Variants in UBE2H observed in about 807,000 individuals in gnomAD.
The protein encoded by UBE2H is ubiquitin-conjugating enzyme E2 H.
In UBE2H, 3 loss-of-function variants were observed where a neutral mutation model predicts 29.0. The observed-to-expected ratio is 0.10, with a 90% CI of 0.05 to 0.27. The LOEUF is 0.27. UBE2H is among the 10% of genes least tolerant of loss of function. UBE2H has a pLI of 1.00. For synonymous variants in UBE2H, 69 were observed against 82.9 expected (o/e 0.83, Z 0.91); for missense variants, 68 against 228.2 (o/e 0.30, Z 4.52).
At chr7:129,934,583 A>G (rs1482607089) in intron 1 of UBE2H, among the ~76,000 whole-genome samples, 3 of 148,270 alleles carry the variant, frequency 2.0e-5, no homozygotes. Flanking sequence ...GGTTGCAATG[A>G]GCCAAGATCA....
In UBE2H at chr7:129,952,740, G is replaced by T. The variant is rs1230991902; in HGVS notation, c.-185C>A. 7.4e-6 allele frequency: 4 copies of T among 538,122 alleles called. No individual in the cohort carries two copies. The highest frequency in any genetic ancestry group is 1.1e-5 in the Non-Finnish European group (4 of 352,494). The allele number at this position is 538,122 out of a possible 1,614,324, so 33.3% of individuals were successfully genotyped here. A position where few individuals can be genotyped will look rare whatever the true frequency, so the allele number is the denominator to read the frequency against. ...GGAACACCGGGCACTGTCCGGCCGG[G>T]TGGGGGTGGGGACCCTGCGGCGCCC... On this transcript the variant is annotated 5_prime_UTR_variant, in exon 1 of 7. Transcript: ENST00000355621.
intron 3 of UBE2H, among the ~76,000 whole-genome samples, chr7:129,865,947 T>TG (rs1363905812): frequency 6.6e-6 from 1 of 151,998 alleles, no homozygotes; most frequent in Non-Finnish European, 1.5e-5. Flanking sequence ...TGAGTAAGGG[T>TG]GGGGGGGTGC....
rs1209619990 is a variant in UBE2H, at chr7:129,903,856, T to C, written c.54-22885A>G. On this transcript the variant is annotated intron_variant, in intron 1 of 6. Transcript: ENST00000355621. Reference sequence around the variant, plus strand: ...AGGAGTTCAAGGCTACAGGTAGCTATGCTGGCATCTGTACTCCAGCCTCGG... The same window carrying C: ...AGGAGTTCAAGGCTACAGGTAGCTACGCTGGCATCTGTACTCCAGCCTCGG... Among the ~76,000 whole-genome samples the C allele has an allele frequency of 2.0e-5, 3 of 152,248 alleles. No homozygotes were observed. The East Asian group carries it at 5.8e-4, about 29-fold the overall frequency.
At chr7:129,951,621 C>A (rs1439594176) in intron 1 of UBE2H, among the ~76,000 whole-genome samples, 1 of 152,186 alleles carries the variant, frequency 6.6e-6, no homozygotes, top group Non-Finnish European at 1.5e-5. Flanking sequence ...CCCACTGCAA[C>A]CTCCAGAGTG....
intron 3 of UBE2H, among the ~76,000 whole-genome samples, chr7:129,861,633 C>T (rs1213781740): frequency 2.6e-5 from 4 of 152,160 alleles, no homozygotes; most frequent in Non-Finnish European, 5.9e-5. Context: ...GGCTCTCGCC[C>T]GTAATCCCAA....
Position 129,891,060 on chromosome 7 carries a change from C to T in UBE2H, c.54-10089G>A, listed in dbSNP as rs374518346. 1.6e-4 allele frequency among the ~76,000 whole-genome samples: 25 copies of T among 151,640 alleles called. No homozygotes were observed. In the East Asian group the frequency reaches 4.7e-3, roughly 29 times the overall value. On this transcript the variant is annotated intron_variant, in intron 1 of 6. Coordinates refer to ENST00000355621, the MANE Select transcript of UBE2H (RefSeq NM_003344.4). ...CTGAGGCAGGAGAATGGCTTGAACC[C>T]GGGAGGTGGAGGTTGCGGTGAGCCG...
At chr7:129,923,875 C>T (rs1226820192) in intron 1 of UBE2H, among the ~76,000 whole-genome samples, 4 of 152,112 alleles carry the variant, frequency 2.6e-5, no homozygotes, top group Admixed American at 2.6e-4. Context: ...ACTCTCACTC[C>T]ACAGGATAGA....
chr7:129,886,182 T>C (rs1806356387), intron 1 of UBE2H, among the ~76,000 whole-genome samples: 1 of 152,248 alleles, frequency 6.6e-6, no homozygotes, highest in Non-Finnish European at 1.5e-5. Context: ...TTTGATCTTA[T>C]TCACAAATAC....
intron 1 of UBE2H, among the ~76,000 whole-genome samples, chr7:129,910,207 T>A (rs1172126282): frequency 1.3e-5 from 2 of 151,920 alleles, no homozygotes; most frequent in Non-Finnish European, 2.9e-5. Flanking sequence ...CAGGCACCTG[T>A]AATCCCAGCT....
At chr7:129,854,060 G>GGTTTTTTTTTTTT (rs1554430936) in intron 5 of UBE2H, among the ~76,000 whole-genome samples, 1 of 100,312 alleles carries the variant, frequency 1.0e-5, no homozygotes, top group Non-Finnish European at 2.0e-5. Context: ...TTTAGTGTTA[G>GGTTTTTTTTTTTT]TTTTTTTTTT....
At chr7:129,852,747 T>C (rs1805634557) in intron 5 of UBE2H, among the ~76,000 whole-genome samples, 1 of 152,042 alleles carries the variant, frequency 6.6e-6, no homozygotes, top group African/African-American at 2.4e-5. Context: ...TTTTTTGAGA[T>C]GGAGTTTTGC....
intron 1 of UBE2H, among the ~76,000 whole-genome samples, chr7:129,885,134 T>C (rs906576477): frequency 6.6e-6 from 1 of 152,066 alleles, no homozygotes; most frequent in African/African-American, 2.4e-5. Context: ...GTGTCCTCTT[T>C]CCAACCAGAG....
At chr7:129,947,717 A>G (rs1009927829) in intron 1 of UBE2H, among the ~76,000 whole-genome samples, 2 of 148,348 alleles carry the variant, frequency 1.3e-5, no homozygotes, top group African/African-American at 5.0e-5. Context: ...TACACACAGC[A>G]ATGACCTAAC....
chr7:129,942,347 C>T (rs1475205023), intron 1 of UBE2H, among the ~76,000 whole-genome samples: 2 of 150,296 alleles, frequency 1.3e-5, no homozygotes, highest in Non-Finnish European at 3.0e-5. Flanking sequence ...ATTAGCCAGG[C>T]GTGGTGGCAC....
chr7:129,838,716 T>G (rs1451582783), intron 6 of UBE2H, among the ~76,000 whole-genome samples: 2 of 152,184 alleles, frequency 1.3e-5, no homozygotes, highest in Admixed American at 1.3e-4. Context: ...CTAGGCTCAC[T>G]GCAACCTCTG....
intron 1 of UBE2H, among the ~76,000 whole-genome samples, chr7:129,952,193 C>A (rs1054325959): frequency 1.1e-4 from 16 of 151,324 alleles, no homozygotes; most frequent in South Asian, 6.3e-4. Flanking sequence ...GAGAGTGAGG[C>A]GACTGGTCGT....
At chr7:129,879,046 C>G (rs887322148) in intron 3 of UBE2H, among the ~76,000 whole-genome samples, 1 of 152,102 alleles carries the variant, frequency 6.6e-6, no homozygotes, top group Non-Finnish European at 1.5e-5. Flanking sequence ...CTTTGTACAA[C>G]CCCACTGAGG....
intron 1 of UBE2H, among the ~76,000 whole-genome samples, chr7:129,904,834 T>C (rs770003260): frequency 4.6e-5 from 7 of 152,178 alleles, no homozygotes; most frequent in Non-Finnish European, 7.3e-5. Flanking sequence ...TTAAGAGTGA[T>C]ATGAGGGTTA....
intron 4 of UBE2H, among the ~76,000 whole-genome samples, chr7:129,858,003 T>C (rs1057173748): frequency 6.6e-6 from 1 of 152,230 alleles, no homozygotes; most frequent in Admixed American, 6.5e-5. Context: ...AAGTGAATTT[T>C]ATAAAAGATA....
Sources: gnomAD v4.1 joint callset for allele counts (sites outside exome capture counted in the v4.1 genomes callset) on GRCh38, gnomAD v4.1.1 for gene constraint, MANE v1.5 for transcripts, NCBI Gene and HGNC (gene_info 2026-07-23, HGNC 2026-07-21) for gene names.